FAF1: variants seen among roughly 807,000 people sequenced by gnomAD.
FAF1 encodes FAS-associated factor 1.
FAF1 carries 25 observed loss-of-function variants against 92.5 expected under a neutral mutation model. The observed-to-expected ratio is 0.27, with a 90% CI of 0.20 to 0.38. The LOEUF (loss-of-function observed/expected upper bound fraction) is 0.38, where lower values mean the gene tolerates loss of function less well. Ranked by LOEUF, FAF1 falls within the 10% of genes least tolerant of loss-of-function variation. FAF1 has a pLI of 1.00. For synonymous variants in FAF1, 234 were observed against 273.2 expected, an observed-to-expected ratio of 0.86 and a Z score of 1.42; for missense variants, 636 against 793.3, an observed-to-expected ratio of 0.80 and a Z score of 2.38.
chr1:50,557,068 G>A (rs534494445), intron 13 of FAF1, among the ~76,000 whole-genome samples: 1 of 152,116 alleles, frequency 6.6e-6, no homozygotes, highest in Non-Finnish European at 1.5e-5. Context: ...TTTATTACTG[G>A]GACTAGGCTA....
In FAF1 at chr1:50,440,776, A is replaced by G. The variant is rs975764457; in HGVS notation, c.*664T>C. Reference sequence around the variant, plus strand: ...CATTGTGTGCTTGAACAGTTTCCCTATGCTGCAATGGAACAGCAAATACCT... The same window carrying G: ...CATTGTGTGCTTGAACAGTTTCCCTGTGCTGCAATGGAACAGCAAATACCT... On this transcript the variant is annotated 3_prime_UTR_variant, in exon 19 of 19. Transcript: ENST00000396153. 2 of 152,224 alleles carry G rather than the reference A, an allele frequency of 1.3e-5. No individual in the cohort carries two copies. The highest frequency in any genetic ancestry group is 4.8e-5 in the African/African-American group (2 of 41,458). 9.4% of individuals were successfully genotyped at this position (152,224 alleles called of 1,614,324 possible). A position where few individuals can be genotyped will look rare whatever the true frequency, so the allele number is the denominator to read the frequency against.
intron 4 of FAF1, chr1:50,781,048 T>G: frequency 2.3e-6 from 1 of 434,548 alleles, no homozygotes; most frequent in Admixed American, 2.5e-5. Context: ...GATTGAACTG[T>G]GCAAGATGGA....
chr1:50,617,693 G>GTTTTTTTTTTT (rs61376152), intron 8 of FAF1, among the ~76,000 whole-genome samples: 2 of 119,216 alleles, frequency 1.7e-5, no homozygotes, highest in African/African-American at 6.0e-5. Flanking sequence ...CTCCTCTTCT[G>GTTTTTTTTTTT]TTTTTTTTTT....
chr1:50,761,278 A>G (rs1230281022), intron 4 of FAF1, among the ~76,000 whole-genome samples: 1 of 152,252 alleles, frequency 6.6e-6, no homozygotes, highest in Middle Eastern at 3.2e-3. Context: ...AACTGGTACC[A>G]TTCCTTCTGA....
chr1:50,664,330 A>T (rs986272415), intron 7 of FAF1, among the ~76,000 whole-genome samples: 2 of 150,644 alleles, frequency 1.3e-5, no homozygotes, highest in Non-Finnish European at 2.9e-5. Flanking sequence ...CTTAAGTGTG[A>T]CTGCTTCCTG....
chr1:50,746,214 G>T (rs868071704), intron 4 of FAF1, among the ~76,000 whole-genome samples: 1 of 129,318 alleles, frequency 7.7e-6, no homozygotes, highest in Non-Finnish European at 1.6e-5. Flanking sequence ...CCCTACGCTC[G>T]TATGTGTGAG....
At chr1:50,479,757 A>G (rs1646679013) in intron 17 of FAF1, among the ~76,000 whole-genome samples, 1 of 152,152 alleles carries the variant, frequency 6.6e-6, no homozygotes, top group Non-Finnish European at 1.5e-5. Flanking sequence ...TCTGCTCCTC[A>G]ATGTATACAG....
At chr1:50,912,900 C>A (rs1458566971) in intron 1 of FAF1, among the ~76,000 whole-genome samples, 1 of 152,128 alleles carries the variant, frequency 6.6e-6, no homozygotes, top group East Asian at 1.9e-4. Context: ...AAACTGAATT[C>A]TGATAAACTA....
intron 13 of FAF1, among the ~76,000 whole-genome samples, chr1:50,555,093 C>T (rs898723124): frequency 1.3e-5 from 2 of 152,036 alleles, no homozygotes; most frequent in Non-Finnish European, 2.9e-5. Flanking sequence ...CGGCATGAGC[C>T]TGTAGTCCCA....
chr1:50,800,299 C>G (rs1661938504), intron 3 of FAF1, among the ~76,000 whole-genome samples: 1 of 152,164 alleles, frequency 6.6e-6, no homozygotes, highest in South Asian at 2.1e-4. Context: ...GCTGAACCCA[C>G]AGATTTTGCA....
At chr1:50,463,829 G>C (rs1044300474) in intron 18 of FAF1, among the ~76,000 whole-genome samples, 1 of 152,208 alleles carries the variant, frequency 6.6e-6, no homozygotes, top group Non-Finnish European at 1.5e-5. Flanking sequence ...GGAAGGCTCA[G>C]GCCCAACTGT....
At chr1:50,559,254 A>T (rs535041968) in intron 13 of FAF1, among the ~76,000 whole-genome samples, 1 of 152,244 alleles carries the variant, frequency 6.6e-6, no homozygotes, top group African/African-American at 2.4e-5. Context: ...CCGTCTCAAA[A>T]AAAAAAAAAA....
At chr1:50,925,229 A>G (rs960459802) in intron 1 of FAF1, among the ~76,000 whole-genome samples, 1 of 152,178 alleles carries the variant, frequency 6.6e-6, no homozygotes, top group African/African-American at 2.4e-5. Context: ...AATGGATTAA[A>G]GACTTAAATG....
intron 15 of FAF1, among the ~76,000 whole-genome samples, chr1:50,513,000 A>C (rs1400099387): frequency 6.6e-6 from 1 of 152,112 alleles, no homozygotes; most frequent in Non-Finnish European, 1.5e-5. Flanking sequence ...ATAGAGGAGG[A>C]AGGTACTTTT....
intron 1 of FAF1, among the ~76,000 whole-genome samples, chr1:50,898,220 C>T (rs1644771220): frequency 6.6e-6 from 1 of 152,156 alleles, no homozygotes; most frequent in Non-Finnish European, 1.5e-5. Context: ...GGGAGGATCA[C>T]TTGAGCTCAG....
At chr1:50,612,103 A>T (rs1488704199) in intron 8 of FAF1, among the ~76,000 whole-genome samples, 1 of 152,208 alleles carries the variant, frequency 6.6e-6, no homozygotes, top group East Asian at 1.9e-4. Flanking sequence ...ACCATCATAC[A>T]CAGGAAAAGT....
At chr1:50,769,645 C>A (rs1660707038) in intron 4 of FAF1, among the ~76,000 whole-genome samples, 1 of 152,198 alleles carries the variant, frequency 6.6e-6, no homozygotes, top group Non-Finnish European at 1.5e-5. Flanking sequence ...TTAATATATA[C>A]AAATCAATTA....
intron 2 of FAF1, among the ~76,000 whole-genome samples, chr1:50,830,658 A>AT (rs59396661): frequency 0.087 from 12,457 of 143,728 alleles, 545 homozygotes; most frequent in East Asian, 0.094. Context: ...CCAGTGCTCA[A>AT]TTTTTTTTTT....
chr1:50,442,718 G>C (rs1177452111), intron 18 of FAF1, among the ~76,000 whole-genome samples: 1 of 152,214 alleles, frequency 6.6e-6, no homozygotes, highest in Non-Finnish European at 1.5e-5. Context: ...TGGAGGGGTG[G>C]GGGATATGGG....
Sources: gnomAD v4.1 joint callset for allele counts (sites outside exome capture counted in the v4.1 genomes callset) on GRCh38, gnomAD v4.1.1 for gene constraint, MANE v1.5 for transcripts, NCBI Gene and HGNC (gene_info 2026-07-23, HGNC 2026-07-21) for gene names.